Variants in COX7A2 observed in about 807,000 individuals in gnomAD.
COX7A2 encodes the protein cytochrome c oxidase subunit 7A2.
COX7A2 carries 11 observed loss-of-function variants against 11.6 expected under a neutral mutation model. That is an observed-to-expected ratio of 0.95 (90% CI 0.60 to 1.57). The LOEUF is 1.57. Ranked by LOEUF, COX7A2 falls within the 40% of genes most tolerant of loss-of-function variation. The pLI is 0.00. For synonymous variants in COX7A2, 30 were observed against 38.2 expected, an observed-to-expected ratio of 0.78 and a Z score of 0.79; for missense variants, 106 against 100.9, an observed-to-expected ratio of 1.05 and a Z score of -0.22.
chr6:75,243,905 CGG>C, upstream of COX7A2: 1 of 1,322,738 alleles, frequency 7.6e-7, no homozygotes, highest in East Asian at 2.5e-5. Flanking sequence ...AAAACTAGAG[CGG>C]CAGTACGGCT....
upstream of COX7A2, among the ~76,000 whole-genome samples, chr6:75,248,649 T>A (rs544349139): frequency 6.6e-6 from 1 of 152,374 alleles, no homozygotes; most frequent in Non-Finnish European, 1.5e-5. Context: ...CTGAGGGCTG[T>A]GTCACTCATA....
At chr6:75,241,384 C>G in intron 1 of COX7A2, 119 bp from the exon 2 acceptor site, 1 of 885,666 alleles carries the variant, frequency 1.1e-6, no homozygotes, top group Non-Finnish European at 1.6e-6. Flanking sequence ...TCTGATTTGT[C>G]AGCAGCAAAG....
At position 75,249,115 on chromosome 6, in the gene COX7A2, T is replaced by C. The variant is rs577039212; in HGVS notation, c.-44+941A>G. The stretch of plus-strand genomic sequence containing the variant: ...TACTAAAAATACAAAAATTAGCCTG[T>C]AGTCCCAGCTACTCGGGAGGCTGAG... On this transcript the variant is annotated intron_variant, in intron 1 of 4. Transcript: ENST00000370081. 3.3e-5 allele frequency among the ~76,000 whole-genome samples: 5 copies of C among 152,134 alleles called. No individual in the cohort carries two copies. In the East Asian group the frequency reaches 9.6e-4, roughly 29 times the overall value.
rs115307999 is a variant in COX7A2, at chr6:75,240,426, T to G, written c.109-41A>C. 2,203 of 1,364,976 alleles carry G rather than the reference T, an allele frequency of 1.6e-3. 32 individuals are homozygous for G. In the African/African-American group the frequency reaches 0.028, roughly 17 times the overall value. 84.6% of individuals were successfully genotyped at this position (1,364,976 alleles called of 1,614,324 possible). A position where few individuals can be genotyped will look rare whatever the true frequency, so the allele number is the denominator to read the frequency against. ...AAAAAAAAAGACAATAATAAATGTC[T>G]CACTCATTTCCAACTAAGTTTCAAA... On this transcript the variant is annotated intron_variant, in intron 2 of 3. Coordinates refer to ENST00000684430, the MANE Select transcript of COX7A2 (RefSeq NM_001366293.2).
At chr6:75,243,463 C>T (rs1771585713) in intron 1 of COX7A2, among the ~76,000 whole-genome samples, 1 of 152,114 alleles carries the variant, frequency 6.6e-6, no homozygotes, top group African/African-American at 2.4e-5. Flanking sequence ...TGACTAAGAA[C>T]CCAAGACGGG....
intron 1 of COX7A2, among the ~76,000 whole-genome samples, chr6:75,249,635 A>G (rs969952222): frequency 2.6e-5 from 4 of 152,254 alleles, no homozygotes; most frequent in African/African-American, 7.2e-5. Context: ...GGCAAAAGCT[A>G]TAACATTTGC....
rs536503337 is a variant in COX7A2 at position 75,237,865 on chromosome 6, A to T, written c.*65T>A. 1.0e-5 allele frequency: 13 copies of T among 1,242,696 alleles called. No individual in the cohort carries two copies. The highest frequency in any genetic ancestry group is 1.5e-5 in the Non-Finnish European group (13 of 857,386). 77.0% of individuals were successfully genotyped at this position (1,242,696 alleles called of 1,614,324 possible). A position where few individuals can be genotyped will look rare whatever the true frequency, so the allele number is the denominator to read the frequency against. On this transcript the variant is annotated 3_prime_UTR_variant, in exon 4 of 4. Transcript: ENST00000684430. The stretch of plus-strand genomic sequence containing the variant: ...TCCCCAAAGAAGAGCTCGGTTATTT[A>T]TCAGATTACTGGTCCATAGAGAGCT...
At chr6:75,241,952 A>G (rs1209508973) in intron 1 of COX7A2, 1 of 153,808 alleles carries the variant, frequency 6.5e-6, no homozygotes, top group African/African-American at 2.4e-5. Flanking sequence ...CGTTTCAAAG[A>G]AAAAATTCTA....
At chr6:75,242,756 T>C (rs150075928) in intron 1 of COX7A2, among the ~76,000 whole-genome samples, 8 of 151,924 alleles carry the variant, frequency 5.3e-5, no homozygotes, top group Admixed American at 2.6e-4. Context: ...GAGACGGAAA[T>C]TGCAGTGAGC....
chr6:75,243,755 A>C lies in COX7A2; in HGVS notation c.-21T>G. 1 of 1,613,966 alleles carries C rather than the reference A, an allele frequency of 6.2e-7. No individual in the cohort carries two copies. The highest frequency in any genetic ancestry group is 8.5e-7 in the Non-Finnish European group (1 of 1,179,876). ...AGCATCTTGGCTGTTACTGACCAGCAACCGCCACAACTGAACACCACCAAC... is the reference window on the plus strand; with the variant it reads ...AGCATCTTGGCTGTTACTGACCAGCCACCGCCACAACTGAACACCACCAAC... On this transcript the variant is annotated 5_prime_UTR_variant, in exon 1 of 4. Transcript: ENST00000684430.
chr6:75,249,486 T>C (rs1487374261), intron 1 of COX7A2, among the ~76,000 whole-genome samples: 1 of 152,222 alleles, frequency 6.6e-6, no homozygotes, highest in Non-Finnish European at 1.5e-5. Flanking sequence ...GAACGTAAGA[T>C]ACATAATCTA....
intron 3 of COX7A2, among the ~76,000 whole-genome samples, chr6:75,239,406 G>T (rs1156463790): frequency 6.6e-6 from 1 of 152,198 alleles, no homozygotes; most frequent in African/African-American, 2.4e-5. Flanking sequence ...TGTGAGAGTA[G>T]AGTTTCCCAA....
At chr6:75,248,849 A>G (rs1771734135) in intron 1 of COX7A2, among the ~76,000 whole-genome samples, 1 of 152,250 alleles carries the variant, frequency 6.6e-6, no homozygotes, top group African/African-American at 2.4e-5. Context: ...AATTAGGAAT[A>G]TCATACATAA....
chr6:75,243,566 A>G, intron 1 of COX7A2, 151 bp downstream of exon 1: 1 of 702,596 alleles, frequency 1.4e-6, no homozygotes, highest in Non-Finnish European at 2.5e-6. Flanking sequence ...GACGGAAGGG[A>G]AAGTAAGGTC....
chr6:75,243,831 T>C (rs1427673451), upstream of COX7A2: 1 of 1,613,626 alleles, frequency 6.2e-7, no homozygotes, highest in Non-Finnish European at 8.5e-7. Flanking sequence ...GCGTATGCAT[T>C]CACGAACTTA....
chr6:75,245,644 T>C (rs1771665934), upstream of COX7A2, among the ~76,000 whole-genome samples: 6 of 152,320 alleles, frequency 3.9e-5, no homozygotes, highest in South Asian at 1.2e-3. Context: ...CAAACTCCTT[T>C]GATTACCGTT....
At position 75,243,719 on chromosome 6, in the gene COX7A2, G is replaced by T; in HGVS notation, c.16C>A (p.Leu6Met). 1.9e-6 allele frequency: 3 copies of T among 1,613,456 alleles called. No individual in the cohort carries two copies. Among genetic ancestry groups the T allele is most frequent in the South Asian group, 2.2e-5 (2 of 91,048 alleles). Residue 6 changes from leucine (L) to methionine (M), a missense_variant and splice_region_variant, in exon 1 of 4, where the codon CTG (leucine) becomes ATG (methionine). Coordinates refer to ENST00000684430, the MANE Select transcript of COX7A2 (RefSeq NM_001366293.2). The stretch of plus-strand genomic sequence containing the variant: ...ATGCAAGATGAGAAGCTCCTCACCA[G>T]CAGATTCCGCAGCATCTTGGCTGTT... MLRNL[L>M]ALRQIGQRTI...
At chr6:75,240,967 A>G in intron 2 of COX7A2, 1 of 448,464 alleles carries the variant, frequency 2.2e-6, no homozygotes. Flanking sequence ...ACTCATAATC[A>G]AACTACTTAT....
At chr6:75,241,388 AGCAAAGTCAT>A in intron 1 of COX7A2, 123 bp from the exon 2 acceptor site, 1 of 837,584 alleles carries the variant, frequency 1.2e-6, no homozygotes, top group Non-Finnish European at 1.7e-6. Flanking sequence ...ATTTGTCAGC[AGCAAAGTCAT>A]GCAAGAGCAT....
Sources: allele counts gnomAD v4.1 joint callset (sites outside exome capture counted in the v4.1 genomes callset), GRCh38; gene constraint gnomAD v4.1.1; transcripts MANE v1.5; gene names NCBI Gene and HGNC (gene_info 2026-07-23, HGNC 2026-07-21).